The following PXDNL variants were observed in gnomAD, a reference collection of about 807,000 sequenced individuals.
PXDNL encodes the protein probable oxidoreductase PXDNL.
In PXDNL, 145 loss-of-function variants were observed where a neutral mutation model predicts 150.8. The ratio of observed to expected loss-of-function variants is 0.96; its 90% CI spans 0.84 to 1.10. The LOEUF is 1.10. PXDNL is among the 50% of genes least tolerant of loss of function. The probability of loss-of-function intolerance (pLI) is 0.00; values close to 1 mark genes in which losing one functional copy is unlikely to be tolerated. For synonymous variants in PXDNL, 757 were observed against 725.7 expected, an observed-to-expected ratio of 1.04 and a Z score of -0.69; for missense variants, 2,087 against 1,873.9, an observed-to-expected ratio of 1.11 and a Z score of -2.10.
chr8:51,532,425 G>A (rs1425860064), intron 4 of PXDNL, among the ~76,000 whole-genome samples: 6 of 152,158 alleles, frequency 3.9e-5, no homozygotes, highest in African/African-American at 1.4e-4. Flanking sequence ...GACAGCAATG[G>A]TTACCTCACA....
chr8:51,374,838 A>T (rs1267295031), intron 17 of PXDNL, 107 bp from the exon 18 acceptor site: 6 of 1,286,402 alleles, frequency 4.7e-6, no homozygotes, highest in Non-Finnish European at 6.4e-6. Flanking sequence ...ACAAAAAAAG[A>T]AAAGTAGATA....
intron 1 of PXDNL, among the ~76,000 whole-genome samples, chr8:51,769,219 A>T (rs2037264302): frequency 2.0e-5 from 3 of 152,262 alleles, no homozygotes; most frequent in African/African-American, 7.2e-5. Flanking sequence ...CCAGCAGTTC[A>T]TATGGGAAGA....
At chr8:51,357,222 G>A (rs1386703654) in intron 19 of PXDNL, among the ~76,000 whole-genome samples, 1 of 152,154 alleles carries the variant, frequency 6.6e-6, no homozygotes, top group Non-Finnish European at 1.5e-5. Flanking sequence ...TGTATTAATG[G>A]ACTAAGTTAT....
chr8:51,381,863 GA>G (rs1807560446), intron 17 of PXDNL, among the ~76,000 whole-genome samples: 1 of 151,402 alleles, frequency 6.6e-6, no homozygotes, highest in Non-Finnish European at 1.5e-5. Flanking sequence ...GATTTAATAA[GA>G]AAAATAGAAA....
At chr8:51,547,549 C>T (rs1812389237) in intron 4 of PXDNL, among the ~76,000 whole-genome samples, 2 of 152,146 alleles carry the variant, frequency 1.3e-5, no homozygotes, top group African/African-American at 2.4e-5. Context: ...CACCAGCCTA[C>T]AGCCCAGTAG....
At chr8:51,774,186 A>C (rs142887845) in intron 1 of PXDNL, among the ~76,000 whole-genome samples, 2 of 152,346 alleles carry the variant, frequency 1.3e-5, no homozygotes, top group East Asian at 3.9e-4. Context: ...TCAAAACTTT[A>C]AGTGACTGTT....
chr8:51,556,908 G>T lies in PXDNL; in HGVS notation c.312C>A (p.Tyr104Ter), dbSNP rs1371940079. 3.3e-6 allele frequency: 5 copies of T among 1,531,410 alleles called. No individual in the cohort carries two copies. The highest frequency in any genetic ancestry group is 4.5e-6 in the Non-Finnish European group (5 of 1,105,942). 94.9% of individuals were successfully genotyped at this position (1,531,410 alleles called of 1,614,324 possible). Residue 104 changes from tyrosine (Y) to a stop codon, truncating the protein, a stop_gained, in exon 4 of 23, where the codon TAC becomes TAA. Transcript: ENST00000356297. LOFTEE classifies it high-confidence loss of function. ...GTGCATGGATTTCATTCTTATACAGGTACCTGGAAAATATATAGAATGTCA... is the reference window on the plus strand; with the variant it reads ...GTGCATGGATTTCATTCTTATACAGTTACCTGGAAAATATATAGAATGTCA... ...FEGLENLLYL[Y>*]LYKNEIHALD...
chr8:51,780,332 A>G (rs764648289), intron 1 of PXDNL, among the ~76,000 whole-genome samples: 6 of 152,202 alleles, frequency 3.9e-5, no homozygotes, highest in Non-Finnish European at 8.8e-5. Flanking sequence ...GATAGCTGAA[A>G]ATGCCACCAA....
At chr8:51,645,809 G>C (rs866328785) in intron 2 of PXDNL, among the ~76,000 whole-genome samples, 11 of 152,166 alleles carry the variant, frequency 7.2e-5, no homozygotes, top group African/African-American at 2.7e-4. Flanking sequence ...GGCCTCAGAT[G>C]TTGTGCAGAC....
intron 12 of PXDNL, among the ~76,000 whole-genome samples, chr8:51,429,438 A>T (rs559966268): frequency 6.6e-6 from 1 of 152,064 alleles, no homozygotes; most frequent in Non-Finnish European, 1.5e-5. Flanking sequence ...TAAATTAGCC[A>T]GGCGTGGAGG....
chr8:51,440,798 G>C (rs1563413160), intron 12 of PXDNL, among the ~76,000 whole-genome samples: 1 of 152,166 alleles, frequency 6.6e-6, no homozygotes, highest in African/African-American at 2.4e-5. Flanking sequence ...AGCTGTCTTA[G>C]TGTTGCTGCT....
intron 1 of PXDNL, among the ~76,000 whole-genome samples, chr8:51,801,176 TG>T (rs2129263461): frequency 6.6e-6 from 1 of 152,270 alleles, no homozygotes; most frequent in Admixed American, 6.5e-5. Flanking sequence ...ACAGCCGCTC[TG>T]GGAGTGTCTG....
intron 14 of PXDNL, among the ~76,000 whole-genome samples, chr8:51,419,335 T>C (rs1488403261): frequency 6.6e-6 from 1 of 152,210 alleles, no homozygotes; most frequent in African/African-American, 2.4e-5. Context: ...GTCTCAATGG[T>C]AAGAATTTTA....
At chr8:51,525,657 TA>T (rs563751384) in intron 4 of PXDNL, among the ~76,000 whole-genome samples, 1 of 151,948 alleles carries the variant, frequency 6.6e-6, no homozygotes, top group Non-Finnish European at 1.5e-5. Context: ...AAAATAAAAA[TA>T]AAAAACCCTA....
intron 17 of PXDNL, among the ~76,000 whole-genome samples, chr8:51,403,031 A>G (rs1013508603): frequency 2.0e-5 from 3 of 150,478 alleles, no homozygotes; most frequent in Non-Finnish European, 4.4e-5. Context: ...TGGAGCTTGC[A>G]GTAAGCTGAG....
chr8:51,482,101 C>G (rs1384141169), intron 6 of PXDNL, among the ~76,000 whole-genome samples: 1 of 152,188 alleles, frequency 6.6e-6, no homozygotes, highest in Non-Finnish European at 1.5e-5. Flanking sequence ...TCAACACACC[C>G]CATGAAAGAA....
intron 3 of PXDNL, among the ~76,000 whole-genome samples, chr8:51,579,625 C>CA (rs914736557): frequency 1.3e-5 from 2 of 151,842 alleles, no homozygotes; most frequent in African/African-American, 4.8e-5. Context: ...TAAATTCACC[C>CA]AAAAATAGTT....
At chr8:51,360,812 GT>G (rs1473274538) in intron 19 of PXDNL, among the ~76,000 whole-genome samples, 6 of 152,218 alleles carry the variant, frequency 3.9e-5, no homozygotes, top group Admixed American at 3.9e-4. Context: ...CAATCTGGCT[GT>G]TTCTGTACCT....
At chr8:51,552,229 G>C (rs1016746335) in intron 4 of PXDNL, among the ~76,000 whole-genome samples, 2 of 151,880 alleles carry the variant, frequency 1.3e-5, no homozygotes, top group Non-Finnish European at 2.9e-5. Context: ...TTACAATGCT[G>C]GTGGGGCAAC....
Sources: gnomAD v4.1 joint callset for allele counts (sites outside exome capture counted in the v4.1 genomes callset) on GRCh38, gnomAD v4.1.1 for gene constraint, MANE v1.5 for transcripts, NCBI Gene and HGNC (gene_info 2026-07-23, HGNC 2026-07-21) for gene names.